Variants in XPO4 observed in about 807,000 individuals in gnomAD.
The protein encoded by XPO4 is exportin 4.
In XPO4, 39 loss-of-function variants were observed where a neutral mutation model predicts 143.0. That is an observed-to-expected ratio of 0.27 (90% CI 0.21 to 0.36). The LOEUF (loss-of-function observed/expected upper bound fraction) is 0.36, where lower values mean the gene tolerates loss of function less well. Ranked by LOEUF, XPO4 falls within the 10% of genes least tolerant of loss-of-function variation. The pLI, the probability that XPO4 is intolerant of heterozygous loss-of-function variation, is 1.00. For synonymous variants in XPO4, 439 were observed against 474.0 expected, an observed-to-expected ratio of 0.93 and a Z score of 0.96; for missense variants, 907 against 1,348.0, an observed-to-expected ratio of 0.67 and a Z score of 5.12.
intron 1 of XPO4, among the ~76,000 whole-genome samples, chr13:20,890,313 G>C (rs563685947): frequency 1.3e-5 from 2 of 152,082 alleles, no homozygotes; most frequent in Admixed American, 1.3e-4. Flanking sequence ...AGCCAGGCAT[G>C]GTGGCCCATG....
At chr13:20,792,087 A>C (rs1429149227) in intron 18 of XPO4, among the ~76,000 whole-genome samples, 2 of 152,206 alleles carry the variant, frequency 1.3e-5, no homozygotes, top group African/African-American at 4.8e-5. Flanking sequence ...AGGCTGACCC[A>C]TCATGGGCTC....
chr13:20,824,839 C>T (rs887852469), intron 7 of XPO4, among the ~76,000 whole-genome samples: 8 of 152,264 alleles, frequency 5.3e-5, no homozygotes, highest in East Asian at 1.9e-4. Context: ...AGGAAGATGA[C>T]GAATTCTACT....
rs765419979 is a variant in XPO4 at position 20,809,144 on chromosome 13, G to T, written c.1432C>A (p.Leu478Met). The T allele has an allele frequency of 6.2e-7, 1 of 1,614,174 alleles. No homozygotes were observed. The highest frequency in any genetic ancestry group is 8.5e-7 in the Non-Finnish European group (1 of 1,180,020). Residue 478 changes from leucine to methionine, a missense_variant, in exon 11 of 23, where the codon CTG (leucine) becomes ATG (methionine). Physicochemically the swap from Leu to Met is conservative, Grantham distance 15. Coordinates refer to ENST00000255305, the MANE Select transcript of XPO4 (RefSeq NM_022459.5). Reference sequence around the variant, plus strand: ...CTTCCTAGCATTCCTACACTGGCCAGTTGATCAGAAAACTGGTCTCGATCA... The same window carrying T: ...CTTCCTAGCATTCCTACACTGGCCATTTGATCAGAAAACTGGTCTCGATCA... Reference protein sequence around the residue: ...EDDRDQFSDQLASVGMLGRIA... With the variant: ...EDDRDQFSDQMASVGMLGRIA...
intron 1 of XPO4, among the ~76,000 whole-genome samples, chr13:20,877,146 A>G (rs7323297): frequency 0.35 from 53,516 of 152,088 alleles, 11,268 homozygotes; most frequent in Non-Finnish European, 0.48. Context: ...TTCCCCTCTC[A>G]AGAAGGCAAT....
intron 6 of XPO4, among the ~76,000 whole-genome samples, chr13:20,831,524 G>A (rs906882036): frequency 5.3e-5 from 8 of 152,066 alleles, no homozygotes; most frequent in African/African-American, 1.7e-4. Context: ...TTACTTCACC[G>A]AAGTTCAAAT....
intron 1 of XPO4, among the ~76,000 whole-genome samples, chr13:20,869,086 A>G (rs2138135500): frequency 6.6e-6 from 1 of 152,270 alleles, no homozygotes; most frequent in East Asian, 1.9e-4. Flanking sequence ...AAATTCTTCA[A>G]TACTGGGGAT....
At chr13:20,788,042 G>GT (rs1394188239) in intron 20 of XPO4, among the ~76,000 whole-genome samples, 4 of 141,760 alleles carry the variant, frequency 2.8e-5, no homozygotes, top group African/African-American at 8.2e-5. Flanking sequence ...AGAGGTGACA[G>GT]TTTTTTGTTT....
intron 4 of XPO4, chr13:20,851,046 T>C (rs2060079826): frequency 1.0e-6 from 1 of 985,278 alleles, no homozygotes. Flanking sequence ...TGATCAGTTA[T>C]CATTCTCCTT....
intron 1 of XPO4, 56 bp downstream of exon 1, chr13:20,902,614 G>A: frequency 2.0e-6 from 3 of 1,497,886 alleles, no homozygotes; most frequent in Non-Finnish European, 8.9e-7. Context: ...GCCTGGAGTG[G>A]CAGGGCCGAC....
At chr13:20,890,848 C>T (rs1173830998) in intron 1 of XPO4, among the ~76,000 whole-genome samples, 3 of 150,026 alleles carry the variant, frequency 2.0e-5, no homozygotes, top group African/African-American at 7.4e-5. Context: ...TGGCTCATGC[C>T]TGTAATCTCA....
intron 13 of XPO4, among the ~76,000 whole-genome samples, chr13:20,802,313 C>G (rs2059445479): frequency 6.6e-6 from 1 of 152,172 alleles, no homozygotes; most frequent in Non-Finnish European, 1.5e-5. Flanking sequence ...CCACCTTGGC[C>G]TCCCCAAGTG....
At chr13:20,849,957 T>C in intron 4 of XPO4, 1 of 579,190 alleles carries the variant, frequency 1.7e-6, no homozygotes, top group African/African-American at 2.0e-5. Context: ...AATATAAAAA[T>C]TAGCCGGGCA....
rs2059129130 is a variant in XPO4 at position 20,780,408 on chromosome 13, A to G, written c.*3314T>C. ...CTTCAATACTTTAGGGGTTCATAGAAGTATTAACAGAAATGGGAAACATGG... is the reference window on the plus strand; with the variant it reads ...CTTCAATACTTTAGGGGTTCATAGAGGTATTAACAGAAATGGGAAACATGG... On this transcript the variant is annotated 3_prime_UTR_variant, in exon 23 of 23. Coordinates refer to ENST00000255305, the MANE Select transcript of XPO4 (RefSeq NM_022459.5). The G allele has an allele frequency of 1.3e-5, 2 of 152,194 alleles. No individual in the cohort carries two copies. The highest frequency in any genetic ancestry group is 4.1e-4 in the South Asian group (2 of 4,830). The allele number at this position is 152,194 out of a possible 1,614,324, so 9.4% of individuals were successfully genotyped here.
chr13:20,837,073 A>G (rs2059924631), intron 6 of XPO4, among the ~76,000 whole-genome samples: 1 of 152,134 alleles, frequency 6.6e-6, no homozygotes, highest in South Asian at 2.1e-4. Flanking sequence ...TCATCAGCTG[A>G]TGGACATTTG....
chr13:20,843,186 A>G, intron 5 of XPO4, 138 bp from the exon 6 acceptor site: 1 of 836,174 alleles, frequency 1.2e-6, no homozygotes, highest in Non-Finnish European at 1.8e-6. Context: ...TTCCATTTTT[A>G]GGCCTCTACT....
intron 18 of XPO4, among the ~76,000 whole-genome samples, chr13:20,792,318 C>T (rs1183109127): frequency 6.6e-6 from 1 of 151,908 alleles, no homozygotes; most frequent in Non-Finnish European, 1.5e-5. Context: ...CTGGGCTGGG[C>T]ACGGTGGCTC....
intron 1 of XPO4, among the ~76,000 whole-genome samples, chr13:20,887,799 TGCAGTGAGCCAACATCATACCACG>T (rs1285552198): frequency 6.6e-6 from 1 of 151,584 alleles, no homozygotes; most frequent in Non-Finnish European, 1.5e-5. Context: ...AGGTGGAGGT[TGCAGTGAGCCAACATCATACCACG>T]GCACTCCAGC....
At chr13:20,828,220 G>A (rs1595103506) in intron 6 of XPO4, among the ~76,000 whole-genome samples, 1 of 152,104 alleles carries the variant, frequency 6.6e-6, no homozygotes, top group South Asian at 2.1e-4. Flanking sequence ...AGCCTGGGTG[G>A]CAGGGAGAGG....
intron 1 of XPO4, among the ~76,000 whole-genome samples, chr13:20,884,047 T>A (rs952944567): frequency 6.6e-6 from 1 of 152,214 alleles, no homozygotes; most frequent in Admixed American, 6.5e-5. Context: ...ATTACAGGCA[T>A]GAGCCACCAC....
Sources: allele counts gnomAD v4.1 joint callset (sites outside exome capture counted in the v4.1 genomes callset), GRCh38; gene constraint gnomAD v4.1.1; transcripts MANE v1.5; gene names NCBI Gene and HGNC (gene_info 2026-07-23, HGNC 2026-07-21).